Variants in POLR3G observed in about 807,000 individuals in gnomAD.
POLR3G encodes the protein RNA polymerase III subunit G, also known as DNA-directed RNA polymerase III subunit RPC7.
In POLR3G, 28 loss-of-function variants were observed where a neutral mutation model predicts 30.1. The ratio of observed to expected loss-of-function variants is 0.93; its 90% CI spans 0.69 to 1.27. The LOEUF (loss-of-function observed/expected upper bound fraction) is 1.27, where lower values mean the gene tolerates loss of function less well. POLR3G is among the 50% of genes most tolerant of loss of function. POLR3G has a pLI of 0.00. For synonymous variants in POLR3G, 79 were observed against 82.5 expected (o/e 0.96, Z 0.23); for missense variants, 254 against 264.6 (o/e 0.96, Z 0.28).
chr5:90,483,574 G>A (rs1264566744), intron 1 of POLR3G, among the ~76,000 whole-genome samples: 1 of 152,058 alleles, frequency 6.6e-6, no homozygotes, highest in African/African-American at 2.4e-5. Context: ...GAAGGCCGAG[G>A]CAGGCAGATC....
chr5:90,474,112 C>T (rs1488746577), upstream of POLR3G: 4 of 1,579,278 alleles, frequency 2.5e-6, no homozygotes, highest in African/African-American at 5.4e-5. Context: ...TGCAAGAGGC[C>T]GGAGGAGTAC....
At chr5:90,497,738 A>G in intron 5 of POLR3G, 32 bp downstream of exon 5, 1 of 1,576,964 alleles carries the variant, frequency 6.3e-7, no homozygotes. Flanking sequence ...TAATTCAGGT[A>G]GGAAAAGGTT....
At chr5:90,477,565 T>C (rs1373389016) in intron 1 of POLR3G, among the ~76,000 whole-genome samples, 4 of 152,128 alleles carry the variant, frequency 2.6e-5, no homozygotes, top group Non-Finnish European at 5.9e-5. Flanking sequence ...CAGGTCAGAA[T>C]ACCTATCCTG....
intron 3 of POLR3G, among the ~76,000 whole-genome samples, chr5:90,489,798 T>G (rs1751629400): frequency 1.3e-5 from 2 of 152,186 alleles, no homozygotes; most frequent in Admixed American, 1.3e-4. Context: ...TTAAAGCACA[T>G]GTCTAATTTA....
At chr5:90,491,211 T>C (rs1346854781) in intron 3 of POLR3G, among the ~76,000 whole-genome samples, 1 of 152,212 alleles carries the variant, frequency 6.6e-6, no homozygotes, top group African/African-American at 2.4e-5. Context: ...ATGATTAGTA[T>C]TTTCTTTGCA....
chr5:90,504,955 G>A (rs1001942993), intron 6 of POLR3G, among the ~76,000 whole-genome samples: 1 of 152,128 alleles, frequency 6.6e-6, no homozygotes, highest in Admixed American at 6.5e-5. Flanking sequence ...ATCATCTTAT[G>A]TCTGTTACCT....
rs1001472898 is a variant in POLR3G at position 90,512,830 on chromosome 5, A to T, written c.*691A>T. 1.3e-5 allele frequency: 2 copies of T among 152,254 alleles called. No homozygotes were observed. Among genetic ancestry groups the T allele is most frequent in the Non-Finnish European group, 2.9e-5 (2 of 67,998 alleles). 9.4% of individuals were successfully genotyped at this position (152,254 alleles called of 1,614,324 possible). On this transcript the variant is annotated 3_prime_UTR_variant, in exon 8 of 8. Transcript: ENST00000651687. The stretch of plus-strand genomic sequence containing the variant: ...ACTTAATACTGTATATGAATTAATC[A>T]TCCCACTGTAATAACTGACATCTTC...
upstream of POLR3G, chr5:90,474,491 C>A: frequency 1.7e-6 from 1 of 574,986 alleles, no homozygotes; most frequent in South Asian, 2.2e-5. Flanking sequence ...GTAGCGTGCG[C>A]TCCCGCACCC....
At chr5:90,474,443 C>T (rs1750668389), upstream of POLR3G, 7 of 701,908 alleles carry the variant, frequency 1.0e-5, no homozygotes, top group Non-Finnish European at 1.7e-5. Flanking sequence ...ATGCGGGGGT[C>T]GGAATAGGAG....
chr5:90,484,934 G>A (rs775722211), intron 1 of POLR3G, among the ~76,000 whole-genome samples: 31 of 152,110 alleles, frequency 2.0e-4, no homozygotes, highest in Admixed American at 3.9e-4. Context: ...TTGCATATGT[G>A]ATATCACTCC....
chr5:90,506,803 A>G, intron 7 of POLR3G, 129 bp downstream of exon 7: 1 of 1,332,252 alleles, frequency 7.5e-7, no homozygotes, highest in Non-Finnish European at 9.8e-7. Context: ...ATTATTATCA[A>G]TGGCATCGAT....
intron 3 of POLR3G, among the ~76,000 whole-genome samples, chr5:90,493,187 CAT>C (rs1751818216): frequency 7.8e-6 from 1 of 128,036 alleles, no homozygotes; most frequent in Admixed American, 7.5e-5. Context: ...ATCAGTAAAA[CAT>C]GTAATATAAA....
At chr5:90,507,247 C>T (rs1032229501) in intron 7 of POLR3G, among the ~76,000 whole-genome samples, 3 of 152,204 alleles carry the variant, frequency 2.0e-5, no homozygotes, top group African/African-American at 7.2e-5. Flanking sequence ...AGACCACAGC[C>T]TCTTCGGGAC....
intron 1 of POLR3G, among the ~76,000 whole-genome samples, chr5:90,475,338 T>TGCA (rs1750742650): frequency 6.6e-6 from 1 of 152,194 alleles, no homozygotes; most frequent in African/African-American, 2.4e-5. Context: ...CACTAGTCAT[T>TGCA]GCCGCAGATT....
chr5:90,482,038 T>A (rs981885654), intron 1 of POLR3G, among the ~76,000 whole-genome samples: 4 of 152,174 alleles, frequency 2.6e-5, no homozygotes, highest in African/African-American at 9.7e-5. Flanking sequence ...TAAATGTAAG[T>A]ATTAGTAAAC....
At chr5:90,491,347 G>A (rs140485868) in intron 3 of POLR3G, among the ~76,000 whole-genome samples, 3 of 152,294 alleles carry the variant, frequency 2.0e-5, no homozygotes, top group African/African-American at 7.2e-5. Flanking sequence ...AGGGTCCTCT[G>A]AAGTAGAAAC....
upstream of POLR3G, chr5:90,474,334 C>A: frequency 6.4e-7 from 1 of 1,564,902 alleles, no homozygotes; most frequent in African/African-American, 1.3e-5. Context: ...TGTGGGCGTG[C>A]GAGTCTCCCA....
Position 90,506,614 on chromosome 5 carries a change from T to C in POLR3G, c.525T>C (p.Asp175=). 1 of 1,613,732 alleles carries C rather than the reference T, an allele frequency of 6.2e-7. No homozygotes were observed. The highest frequency in any genetic ancestry group is 8.5e-7 in the Non-Finnish European group (1 of 1,179,834). The change falls in exon 7 of 8, where the codon GAT becomes GAC. Residue 175 remains aspartate (D), a synonymous_variant. Coordinates refer to ENST00000651687, the MANE Select transcript of POLR3G (RefSeq NM_006467.3). The part of the protein sequence containing the change: ...EGSKEKSKEG[D]DDDDDDAAEQ... The stretch of plus-strand genomic sequence containing the variant: ...GCAAAGAGAAAAGTAAAGAAGGTGA[T>C]GATGACGATGACGATGATGCCGCAG...
chr5:90,493,535 C>T (rs139962534), intron 3 of POLR3G, among the ~76,000 whole-genome samples: 2 of 152,056 alleles, frequency 1.3e-5, no homozygotes, highest in African/African-American at 4.8e-5. Context: ...TCCTGAGCCA[C>T]TGTGTTGGGC....
Sources: allele counts gnomAD v4.1 joint callset (sites outside exome capture counted in the v4.1 genomes callset), GRCh38; gene constraint gnomAD v4.1.1; transcripts MANE v1.5; gene names NCBI Gene and HGNC (gene_info 2026-07-23, HGNC 2026-07-21).